Variants in SIGLEC8 observed in about 807,000 individuals in gnomAD.
SIGLEC8 encodes sialic acid binding Ig like lectin 8, also known as sialic acid-binding Ig-like lectin 8.
Under a neutral mutation model 42.1 loss-of-function variants are expected in SIGLEC8, and 32 were observed. The observed-to-expected ratio is 0.76, with a 90% confidence interval of 0.57 to 1.02. The LOEUF (loss-of-function observed/expected upper bound fraction) is 1.02. Among genes scored for constraint, SIGLEC8 ranks in the 50% least tolerant of loss-of-function variants. The pLI is 0.00. For synonymous variants in SIGLEC8, 262 were observed against 260.3 expected, an observed-to-expected ratio of 1.01 and a Z score of -0.06; for missense variants, 611 against 610.2, an observed-to-expected ratio of 1.00 and a Z score of -0.01.
chr19:51,453,961 A>G, intron 6 of SIGLEC8: 1 of 984,986 alleles, frequency 1.0e-6, no homozygotes, highest in Non-Finnish European at 1.2e-6. Flanking sequence ...TGGAGGAGAG[A>G]TGGTGAATCG....
chr19:51,457,367 C>T, intron 2 of SIGLEC8, 94 bp downstream of exon 2: 1 of 1,528,264 alleles, frequency 6.5e-7, no homozygotes. Context: ...ATTCTGGGAC[C>T]CAGAACCCAG....
At chr19:51,457,802 C>T (rs1989534044) in intron 1 of SIGLEC8, 63 bp from the exon 2 acceptor site, 4 of 1,550,260 alleles carry the variant, frequency 2.6e-6, no homozygotes, top group Non-Finnish European at 3.5e-6. Flanking sequence ...GGAGGAAGCT[C>T]AAGCTCTGGT....
At chr19:51,453,643 C>T (rs1944599095) in intron 6 of SIGLEC8, 4 of 654,866 alleles carry the variant, frequency 6.1e-6, no homozygotes, top group African/African-American at 4.0e-5. Flanking sequence ...TGCAGTGAGC[C>T]GAGATTGCCC....
intron 4 of SIGLEC8, 104 bp downstream of exon 4, chr19:51,455,314 G>A: frequency 3.5e-6 from 5 of 1,440,388 alleles, no homozygotes. Context: ...CCTCACAGCT[G>A]AGCACAGACC....
Position 51,454,382 on chromosome 19 carries a change from T to C in SIGLEC8, c.1149-67A>G. On this transcript the variant is annotated intron_variant, in intron 5 of 6. Transcript: ENST00000321424. The surrounding 1 kb of genome is among the most constrained non-coding windows in gnomAD (Gnocchi z 4.7). Reference sequence around the variant, plus strand: ...GGGGTGCAGTGGGCAGACCAACCCCTGCCCTGTATTTCCTACTGGGGGCTT... The same window carrying C: ...GGGGTGCAGTGGGCAGACCAACCCCCGCCCTGTATTTCCTACTGGGGGCTT... The C allele has an allele frequency of 6.2e-7, 1 of 1,611,380 alleles. No homozygotes were observed. Among genetic ancestry groups the C allele is most frequent in the Non-Finnish European group, 8.5e-7 (1 of 1,179,634 alleles).
At position 51,452,067 on chromosome 19, in the gene SIGLEC8, A is replaced by C; in HGVS notation, c.*312T>G. ...AGCGAAACTCCATCTCTCAAAGAAA[A>C]AAAAATATTCAGTGCTTGATTCTGT... On this transcript the variant is annotated 3_prime_UTR_variant, in exon 7 of 7. Coordinates refer to ENST00000321424, the MANE Select transcript of SIGLEC8 (RefSeq NM_014442.3). The C allele has an allele frequency of 4.7e-6, 1 of 212,240 alleles. No homozygotes were observed. The highest frequency in any genetic ancestry group is 9.3e-6 in the Non-Finnish European group (1 of 108,038). 13.1% of individuals were successfully genotyped at this position (212,240 alleles called of 1,614,324 possible). A position where few individuals can be genotyped will look rare whatever the true frequency, so the allele number is the denominator to read the frequency against.
At position 51,454,733 on chromosome 19, in the gene SIGLEC8, C is replaced by T. The variant is rs144769293; in HGVS notation, c.1099G>A (p.Ala367Thr). The T allele has an allele frequency of 2.7e-5, 43 of 1,613,936 alleles. No individual in the cohort carries two copies. In the African/African-American group the frequency reaches 4.5e-4, roughly 17 times the overall value. ...SQVTLAAVGG[A>T]GATALAFLSF... is the part of the protein sequence containing the mutation. ...AGGAAGGCCAGGGCTGTGGCTCCAG[C>T]TCCCCCGACTGCTGCCAGTGTCACT... is the stretch of plus-strand genomic sequence containing the variant. The change falls in exon 5 of 7, where the codon GCT becomes ACT. Residue 367 changes from alanine (A) to threonine (T), a missense_variant. Physicochemically the swap from Ala to Thr is moderately conservative, Grantham distance 58 (BLOSUM62 0). Coordinates refer to ENST00000321424, the MANE Select transcript of SIGLEC8 (RefSeq NM_014442.3). This position sits in a 1 kb window ranked among gnomAD's most constrained non-coding sequence, Gnocchi z 4.7.
intron 6 of SIGLEC8, chr19:51,453,900 G>A (rs1989427829): frequency 1.0e-6 from 1 of 985,288 alleles, no homozygotes; most frequent in Non-Finnish European, 1.2e-6. Context: ...GAGGGGTCAG[G>A]ATGGCTGGGG....
At chr19:51,457,071 A>T in intron 3 of SIGLEC8, 113 bp downstream of exon 3, 2 of 976,996 alleles carry the variant, frequency 2.0e-6, no homozygotes, top group African/African-American at 1.6e-5. Context: ...CCCTGGGCTC[A>T]CGCACAGTGG....
At position 51,452,276 on chromosome 19, in the gene SIGLEC8, G is replaced by A; in HGVS notation, c.*103C>T. 1.3e-5 allele frequency: 13 copies of A among 993,362 alleles called. No homozygotes were observed. The highest frequency in any genetic ancestry group is 1.8e-5 in the Non-Finnish European group (12 of 676,260). 61.5% of individuals were successfully genotyped at this position (993,362 alleles called of 1,614,324 possible). A position where few individuals can be genotyped will look rare whatever the true frequency, so the allele number is the denominator to read the frequency against. ...GCAGGGATGGGTCCCTGGTAGCCGG[G>A]GAAAGGGGAGACATTGGTCCAAGTT... On this transcript the variant is annotated 3_prime_UTR_variant, in exon 7 of 7. Transcript: ENST00000321424.
Position 51,454,182 on chromosome 19 carries a change from G to C in SIGLEC8, c.1245+37C>G. The stretch of plus-strand genomic sequence containing the variant: ...GGGCCATCCTGTCAGAGGTGTCCAG[G>C]CTGGATGCTCGGTGTGGAGAAGCCC... On this transcript the variant is annotated intron_variant, in intron 6 of 6. Coordinates refer to ENST00000321424, the MANE Select transcript of SIGLEC8 (RefSeq NM_014442.3). This position sits in a 1 kb window ranked among gnomAD's most constrained non-coding sequence, Gnocchi z 4.7. 6.2e-7 allele frequency: 1 copy of C among 1,613,440 alleles called. No homozygotes were observed. Among genetic ancestry groups the C allele is most frequent in the Non-Finnish European group, 8.5e-7 (1 of 1,179,602 alleles).
At position 51,457,645 on chromosome 19, in the gene SIGLEC8, C is replaced by G; in HGVS notation, c.549G>C (p.Gln183His). The G allele has an allele frequency of 6.2e-7, 1 of 1,611,636 alleles. No homozygotes were observed. The stretch of plus-strand genomic sequence containing the variant: ...TCCAGGAGATCATGGGGGGTGTCCC[C>G]TGCTTACAGGCCCAGGGCACAGAGC... ...LTCSVPWACK[Q>H]GTPPMISWIG... is the part of the protein sequence containing the mutation. Residue 183 changes from glutamine to histidine, a missense_variant, in exon 2 of 7, where the codon CAG becomes CAC. Gln to His is a conservative substitution (Grantham distance 24, BLOSUM62 0). Coordinates refer to ENST00000321424, the MANE Select transcript of SIGLEC8 (RefSeq NM_014442.3).
chr19:51,453,520 C>G (rs1387158722), intron 6 of SIGLEC8: 1 of 462,132 alleles, frequency 2.2e-6, no homozygotes, highest in Non-Finnish European at 2.8e-6. Flanking sequence ...CATGGTGAAA[C>G]CCCGTCTCTA....
At chr19:51,453,974 G>A in intron 6 of SIGLEC8, 2 of 985,298 alleles carry the variant, frequency 2.0e-6, no homozygotes, top group Non-Finnish European at 2.4e-6. Flanking sequence ...GTGAATCGGG[G>A]CTATAGAGAA....
In SIGLEC8 at chr19:51,454,220, T is replaced by C. The variant is rs369963833; in HGVS notation, c.1244A>G (p.Gln415Arg). 2.9e-5 allele frequency: 46 copies of C among 1,613,976 alleles called. No individual in the cohort carries two copies. The highest frequency in any genetic ancestry group is 3.6e-5 in the Non-Finnish European group (42 of 1,179,966). ...DAKAIRGSAS[Q>R]GPLTESWKDG... is the part of the protein sequence containing the mutation. ...TGTGGAGAAGCCCACATCACTCACCTGAGAGGCCGAGCCCCTGATGGCCTT... is the reference window on the plus strand; with the variant it reads ...TGTGGAGAAGCCCACATCACTCACCCGAGAGGCCGAGCCCCTGATGGCCTT... The change falls in exon 6 of 7, where the codon CAG (glutamine) becomes CGG (arginine). Residue 415 changes from glutamine (Q) to arginine (R), a missense_variant and splice_region_variant. By Grantham distance (43) the Gln-to-Arg change is conservative. Transcript: ENST00000321424. The surrounding 1 kb of genome is among the most constrained non-coding windows in gnomAD (Gnocchi z 4.7).
rs777105607 is a variant in SIGLEC8 at position 51,458,361 on chromosome 19, G to A, written c.27C>T (p.Pro9=). ...CCATCCCCTTTGTCCCCCAGAGCAG[G>A]GGCAGCAGCAGCAGCAGCAGCAGCA... MLLLLLLL[P]LLWGTKGMEG... The change falls in exon 1 of 7, where the codon CCC becomes CCT. Residue 9 remains proline (P), a synonymous_variant. Transcript: ENST00000321424. The A allele has an allele frequency of 9.9e-6, 16 of 1,613,392 alleles. No homozygotes were observed. The highest frequency in any genetic ancestry group is 1.3e-5 in the African/African-American group (1 of 74,894).
rs770477109 is a variant in SIGLEC8 at position 51,458,350 on chromosome 19, C to A, written c.38G>T (p.Gly13Val). ...TCTGTCTCCCTCCATCCCCTTTGTC[C>A]CCCAGAGCAGGGGCAGCAGCAGCAG... ...LLLLLLPLLWGTKGMEGDRQY... is the reference protein window; with the variant it reads ...LLLLLLPLLWVTKGMEGDRQY... The change falls in exon 1 of 7, where the codon GGG becomes GTG. Residue 13 changes from glycine to valine, a missense_variant. Coordinates refer to ENST00000321424, the MANE Select transcript of SIGLEC8 (RefSeq NM_014442.3). 2 of 1,613,714 alleles carry A rather than the reference C, an allele frequency of 1.2e-6. No individual in the cohort carries two copies. Among genetic ancestry groups the A allele is most frequent in the African/African-American group, 2.7e-5 (2 of 74,908 alleles).
At chr19:51,453,809 C>G in intron 6 of SIGLEC8, 2 of 985,142 alleles carry the variant, frequency 2.0e-6, no homozygotes, top group Non-Finnish European at 2.4e-6. Context: ...GATACCTGAC[C>G]TGGGGAAGCT....
chr19:51,457,193 C>G lies in SIGLEC8; in HGVS notation c.772G>C (p.Asp258His). 2 of 1,613,908 alleles carry G rather than the reference C, an allele frequency of 1.2e-6. No individual in the cohort carries two copies. The highest frequency in any genetic ancestry group is 8.5e-7 in the Non-Finnish European group (1 of 1,179,898). Residue 258 changes from aspartate to histidine, a missense_variant, in exon 3 of 7, where the codon GAT becomes CAT. Physicochemically the swap from Asp to His is moderately conservative, Grantham distance 81. Transcript: ENST00000321424. ...GGGGGCTCTGTCCTACCTGTGGCAT[C>G]TCCTTGGAAGACAGTCATGGTCAAG... is the stretch of plus-strand genomic sequence containing the variant. ...WNLTMTVFQG[D>H]ATASTALGNG...
Sources: gnomAD v4.1 joint callset for allele counts on GRCh38, gnomAD v4.1.1 for gene constraint, Gnocchi (gnomAD v3.1) non-coding constraint, MANE v1.5 for transcripts, NCBI Gene and HGNC (gene_info 2026-07-23, HGNC 2026-07-21) for gene names.